ABCC2: variants seen among roughly 807,000 people sequenced by gnomAD.
The protein encoded by ABCC2 is ATP-binding cassette sub-family C member 2.
ABCC2 carries 157 observed loss-of-function variants against 173.4 expected under a neutral mutation model. That is an observed-to-expected ratio of 0.91 (90% CI 0.80 to 1.03). ABCC2 has a LOEUF of 1.03. ABCC2 is among the 50% of genes least tolerant of loss of function. The probability of loss-of-function intolerance (pLI) is 0.00; values close to 1 mark genes in which losing one functional copy is unlikely to be tolerated. For synonymous variants in ABCC2, 657 were observed against 693.5 expected (o/e 0.95, Z 0.83); for missense variants, 1,822 against 1,852.3 (o/e 0.98, Z 0.30).
intron 19 of ABCC2, 140 bp from the exon 20 acceptor site, chr10:99,830,167 A>G: frequency 1.1e-6 from 1 of 899,986 alleles, no homozygotes; most frequent in Non-Finnish European, 1.8e-6. Context: ...GTATTTATGG[A>G]GTAAAGTATT....
Position 99,813,126 on chromosome 10 carries a change from C to T in ABCC2, c.2076C>T (p.His692=), listed in dbSNP as rs552538259. 1.4e-5 allele frequency: 23 copies of T among 1,613,832 alleles called. No homozygotes were observed. Among genetic ancestry groups the T allele is most frequent in the South Asian group, 6.6e-5 (6 of 91,076 alleles). The change falls in exon 16 of 32, where the codon CAC becomes CAT. Residue 692 remains histidine, a synonymous_variant. Coordinates refer to ENST00000647814, the MANE Select transcript of ABCC2 (RefSeq NM_000392.5). ...TGCTGGGAGAAATGGAAAATGTCCA[C>T]GGGCACATCACCATCAAGGTGAGAG... ...SAMLGEMENV[H]GHITIKGTTA... is the part of the protein sequence containing the mutation.
At chr10:99,804,700 G>A (rs571016251) in intron 10 of ABCC2, among the ~76,000 whole-genome samples, 14 of 152,308 alleles carry the variant, frequency 9.2e-5, no homozygotes, top group African/African-American at 3.4e-4. Context: ...GGAGGGCTCC[G>A]TGTGGACAGT....
intron 11 of ABCC2, among the ~76,000 whole-genome samples, chr10:99,805,682 A>T (rs546535684): frequency 8.5e-4 from 129 of 152,312 alleles, no homozygotes; most frequent in African/African-American, 2.9e-3. Context: ...GTGTTTAAAC[A>T]TGTAGAAAAG....
chr10:99,814,302 CACACATGTAT>C (rs2038305161), intron 16 of ABCC2, among the ~76,000 whole-genome samples: 1 of 71,652 alleles, frequency 1.4e-5, no homozygotes, highest in African/African-American at 6.2e-5. Flanking sequence ...CGTATGTATA[CACACATGTAT>C]ATACACACGT....
intron 30 of ABCC2, among the ~76,000 whole-genome samples, chr10:99,848,354 T>C (rs1031397270): frequency 6.6e-6 from 1 of 152,264 alleles, no homozygotes. Flanking sequence ...ATTAATAAGT[T>C]GATCTGGCAT....
intron 16 of ABCC2, among the ~76,000 whole-genome samples, chr10:99,814,749 GTA>G (rs1409954442): frequency 7.1e-6 from 1 of 140,276 alleles, no homozygotes; most frequent in African/African-American, 2.7e-5. Context: ...GTATATGTAT[GTA>G]TATACACACA....
chr10:99,839,391 A>C (rs1590188805), intron 25 of ABCC2, among the ~76,000 whole-genome samples: 1 of 63,872 alleles, frequency 1.6e-5, no homozygotes, highest in Non-Finnish European at 3.3e-5. Context: ...TCCCTCCCGG[A>C]CGGGGCGGCT....
chr10:99,784,748 A>G lies in ABCC2; in HGVS notation c.174A>G (p.Arg58=). Residue 58 remains arginine (R), a synonymous_variant, in exon 2 of 32, where the codon AGA becomes AGG. Coordinates refer to ENST00000647814, the MANE Select transcript of ABCC2 (RefSeq NM_000392.5). ...LLHVYKSRTK[R]SSTTKLYLAK... ...ACGTGTATAAATCCAGGACCAAGAG[A>G]TCCTCTACCACCAAACTCTATCTTG... 1 of 1,614,062 alleles carries G rather than the reference A, an allele frequency of 6.2e-7. No homozygotes were observed. The highest frequency in any genetic ancestry group is 8.5e-7 in the Non-Finnish European group (1 of 1,180,006).
At position 99,819,199 on chromosome 10, in the gene ABCC2, C is replaced by G. The variant is rs770766136; in HGVS notation, c.2550C>G (p.Ala850=). The change falls in exon 19 of 32, where the codon GCC becomes GCG. Residue 850 remains alanine (A), a synonymous_variant. Transcript: ENST00000647814. Reference sequence around the variant, plus strand: ...AAGGATCCTACAGTGCTCTCCTGGCCAAAAAAGGAGAGTTTGCTAAGAATC... The same window carrying G: ...AAGGATCCTACAGTGCTCTCCTGGCGAAAAAAGGAGAGTTTGCTAAGAATC... The part of the protein sequence containing the change: ...VEKGSYSALL[A]KKGEFAKNLK... 10 of 1,613,608 alleles carry G rather than the reference C, an allele frequency of 6.2e-6. No homozygotes were observed. In the African/African-American group the frequency reaches 1.3e-4, roughly 22 times the overall value.
At chr10:99,792,114 T>C in intron 2 of ABCC2, 120 bp from the exon 3 acceptor site, 4 of 1,266,368 alleles carry the variant, frequency 3.2e-6, no homozygotes, top group East Asian at 2.4e-5. Flanking sequence ...TCCAGAAATA[T>C]TTATTGTGTT....
In ABCC2 at chr10:99,818,956, A is replaced by G; in HGVS notation, c.2438A>G (p.Lys813Arg). ...VLGPNGLLKG[K>R]TRLLVTHSMH... ...GGCCCCAATGGCCTGTTGAAAGGCA[A>G]GGTGAGAAATCATTGAACATGATGA... Residue 813 changes from lysine (K) to arginine (R), a missense_variant and splice_region_variant, in exon 18 of 32, where the codon AAG becomes AGG. Physicochemically the swap from Lys to Arg is conservative, Grantham distance 26. Transcript: ENST00000647814. 6.5e-7 allele frequency: 1 copy of G among 1,529,954 alleles called. No individual in the cohort carries two copies. Among genetic ancestry groups the G allele is most frequent in the Non-Finnish European group, 8.9e-7 (1 of 1,126,598 alleles). 94.8% of individuals were successfully genotyped at this position (1,529,954 alleles called of 1,614,324 possible). A position where few individuals can be genotyped will look rare whatever the true frequency, so the allele number is the denominator to read the frequency against.
Position 99,801,022 on chromosome 10 carries a change from G to A in ABCC2, c.1209+459G>A, listed in dbSNP as rs182435231. Among the ~76,000 whole-genome samples, 30 of 152,194 alleles carry A rather than the reference G, an allele frequency of 2.0e-4. No homozygotes were observed. The East Asian group carries it at 2.7e-3, about 14-fold the overall frequency. On this transcript the variant is annotated intron_variant, in intron 9 of 31. Coordinates refer to ENST00000647814, the MANE Select transcript of ABCC2 (RefSeq NM_000392.5). ...ATCCATCTCAAATTGCAGTCTTGCC[G>A]GAGCTCCACCTCCCCAGACCAAATT...
In ABCC2 at chr10:99,808,070, T is replaced by C. The variant is rs763835220; in HGVS notation, c.1669-13T>C. On this transcript the variant is annotated splice_polypyrimidine_tract_variant and intron_variant, in intron 12 of 31. Transcript: ENST00000647814. ...TTTTAGGAATAAATTGCTCATGACC[T>C]TGCCCTTTCCAGGTATCTGTGGTCA... 1.2e-6 allele frequency: 2 copies of C among 1,613,866 alleles called. No individual in the cohort carries two copies. The highest frequency in any genetic ancestry group is 1.3e-5 in the African/African-American group (1 of 74,924).
chr10:99,792,503 T>TG, intron 3 of ABCC2, 144 bp downstream of exon 3: 1 of 1,285,750 alleles, frequency 7.8e-7, no homozygotes, highest in Non-Finnish European at 1.1e-6. Context: ...TTGGTTGGAA[T>TG]GGGGTGAAAC....
Position 99,784,690 on chromosome 10 carries a change from A to T in ABCC2, c.116A>T (p.Tyr39Phe), listed in dbSNP as rs927344. The change falls in exon 2 of 32, where the codon TAC becomes TTC. Residue 39 changes from tyrosine to phenylalanine, a missense_variant. Tyr to Phe is a conservative substitution (Grantham distance 22). Coordinates refer to ENST00000647814, the MANE Select transcript of ABCC2 (RefSeq NM_000392.5). ...QTVLVWIPLG[Y>F]LWLLAPWQLL... ...GTTCTGGTGTGGATTCCCTTGGGCTACCTATGGCTCCTGGCCCCCTGGCAG... is the reference window on the plus strand; with the variant it reads ...GTTCTGGTGTGGATTCCCTTGGGCTTCCTATGGCTCCTGGCCCCCTGGCAG... 1 allele frequency: 1,612,433 copies of T among 1,614,256 alleles called. 805,325 individuals carry two copies. The highest frequency in any genetic ancestry group is 1 in the Middle Eastern group (6,062 of 6,062).
chr10:99,793,976 T>G lies in ABCC2; in HGVS notation c.553T>G (p.Ser185Ala). ...CCTGATCCTGATCTTTTCAGCATTTTCAGAAAATAATGAGTCATCAAATGT... is the reference window on the plus strand; with the variant it reads ...CCTGATCCTGATCTTTTCAGCATTTGCAGAAAATAATGAGTCATCAAATGT... ...QILILIFSAFSENNESSNNPS... is the reference protein window; with the variant it reads ...QILILIFSAFAENNESSNNPS... The change falls in exon 5 of 32, where the codon TCA (serine) becomes GCA (alanine). Residue 185 changes from serine to alanine, a missense_variant. Ser to Ala is a moderately conservative substitution (Grantham distance 99). Coordinates refer to ENST00000647814, the MANE Select transcript of ABCC2 (RefSeq NM_000392.5). The G allele has an allele frequency of 6.2e-7, 1 of 1,611,752 alleles. No individual in the cohort carries two copies. Among genetic ancestry groups the G allele is most frequent in the Non-Finnish European group, 8.5e-7 (1 of 1,178,048 alleles).
chr10:99,829,599 A>G (rs575199367), intron 19 of ABCC2, among the ~76,000 whole-genome samples: 37 of 152,254 alleles, frequency 2.4e-4, no homozygotes, highest in African/African-American at 7.5e-4. Flanking sequence ...TTAAATTAAT[A>G]TAAGTTTGTT....
chr10:99,793,606 G>A lies in ABCC2; in HGVS notation c.389G>A (p.Trp130Ter), dbSNP rs1475482528. ...CAATGGTGTGTACAGAAAAACTCCT[G>A]GTTCCTGTCCCTATTCTGGATTCTC... is the stretch of plus-strand genomic sequence containing the variant. ...SRQWCVQKNSWFLSLFWILSI... is the reference protein window; with the variant it reads ...SRQWCVQKNS The change falls in exon 4 of 32, where the codon TGG (tryptophan) becomes TAG (stop). Residue 130 changes from tryptophan (W) to a stop codon, truncating the protein, a stop_gained. Coordinates refer to ENST00000647814, the MANE Select transcript of ABCC2 (RefSeq NM_000392.5). LOFTEE classifies it high-confidence loss of function. 1 of 1,614,086 alleles carries A rather than the reference G, an allele frequency of 6.2e-7. No homozygotes were observed. Among genetic ancestry groups the A allele is most frequent in the South Asian group, 1.1e-5 (1 of 91,078 alleles).
intron 23 of ABCC2, among the ~76,000 whole-genome samples, chr10:99,833,085 A>C (rs2038766627): frequency 6.6e-6 from 1 of 152,204 alleles, no homozygotes; most frequent in Admixed American, 6.5e-5. Flanking sequence ...CAGACATAGA[A>C]AGTATAGCTC....
Sources: allele counts gnomAD v4.1 joint callset (sites outside exome capture counted in the v4.1 genomes callset), GRCh38; gene constraint gnomAD v4.1.1; transcripts MANE v1.5; gene names NCBI Gene and HGNC (gene_info 2026-07-23, HGNC 2026-07-21).